DCDC2: variants seen among roughly 807,000 people sequenced by gnomAD.
DCDC2 encodes doublecortin domain containing 2.
A neutral mutation model predicts 50.2 loss-of-function variants in DCDC2; 40 were observed. That is an observed-to-expected ratio of 0.80 (90% CI 0.62 to 1.04). The LOEUF is 1.04. DCDC2 is among the 50% of genes least tolerant of loss of function. The pLI is 0.00. For missense variants in DCDC2, 570 were observed against 581.9 expected (o/e 0.98, Z 0.21); for synonymous variants, 234 against 210.6 (o/e 1.11, Z -0.96).
intron 6 of DCDC2, among the ~76,000 whole-genome samples, chr6:24,283,150 A>C (rs1763515192): frequency 6.6e-6 from 1 of 152,228 alleles, no homozygotes; most frequent in African/African-American, 2.4e-5. Context: ...ATGATTCTAC[A>C]TGGTGTCACC....
At chr6:24,358,683 G>A (rs1383278677), upstream of DCDC2, among the ~76,000 whole-genome samples, 6 of 81,634 alleles carry the variant, frequency 7.3e-5, no homozygotes, top group Admixed American at 4.1e-4. Flanking sequence ...CCCTGTCTTA[G>A]AAAATAAAAT....
chr6:24,343,628 T>C (rs1760201394), intron 2 of DCDC2, among the ~76,000 whole-genome samples: 1 of 152,208 alleles, frequency 6.6e-6, no homozygotes, highest in African/African-American at 2.4e-5. Context: ...AAAAGCTTGA[T>C]ATACCTTGGC....
chr6:24,326,172 AG>A (rs1362861604), intron 2 of DCDC2, among the ~76,000 whole-genome samples: 1 of 134,276 alleles, frequency 7.4e-6, no homozygotes, highest in African/African-American at 2.5e-5. Context: ...AAGGAAAGGA[AG>A]GAAGGAAGGA....
intron 2 of DCDC2, among the ~76,000 whole-genome samples, chr6:24,313,902 G>A (rs1162503749): frequency 6.6e-6 from 1 of 152,172 alleles, no homozygotes; most frequent in African/African-American, 2.4e-5. Flanking sequence ...GAGCTTACAG[G>A]GATGGCAGAC....
intron 2 of DCDC2, among the ~76,000 whole-genome samples, chr6:24,323,000 C>A (rs1759799167): frequency 6.6e-6 from 1 of 152,170 alleles, no homozygotes; most frequent in Non-Finnish European, 1.5e-5. Flanking sequence ...ATCATTTCAA[C>A]CCGATCACAA....
intron 7 of DCDC2, chr6:24,205,403 GAGA>G: frequency 7.4e-7 from 1 of 1,347,892 alleles, no homozygotes. Context: ...GCATTGAGAT[GAGA>G]AGAAATTCAC....
At chr6:24,283,824 C>T (rs1186670210) in intron 6 of DCDC2, among the ~76,000 whole-genome samples, 1 of 152,194 alleles carries the variant, frequency 6.6e-6, no homozygotes, top group East Asian at 1.9e-4. Context: ...AACATTCACA[C>T]ACTGCCTAAG....
chr6:24,253,009 ACAAAT>A (rs1762823159), intron 7 of DCDC2, among the ~76,000 whole-genome samples: 1 of 152,194 alleles, frequency 6.6e-6, no homozygotes, highest in East Asian at 1.9e-4. Flanking sequence ...TGAAAATAAG[ACAAAT>A]CAAAACATGT....
upstream of DCDC2, among the ~76,000 whole-genome samples, chr6:24,358,442 C>CGTCTCTATAACGCGCCTGT (rs555434016): frequency 1.5e-3 from 219 of 149,698 alleles, 1 homozygote; most frequent in African/African-American, 5.1e-3. Flanking sequence ...GGAAAGCCCC[C>CGTCTCTATAACGCGCCTGT]GTCTCTATAA....
chr6:24,323,644 CCTCTCCCTGTCTTCATCT>C (rs956110874), intron 2 of DCDC2, among the ~76,000 whole-genome samples: 1 of 152,106 alleles, frequency 6.6e-6, no homozygotes, highest in African/African-American at 2.4e-5. Context: ...ACATAAGAGA[CCTCTCCCTGTCTTCATCT>C]CTCTCCCTGT....
intron 7 of DCDC2, among the ~76,000 whole-genome samples, chr6:24,214,275 T>G (rs1761932035): frequency 6.6e-6 from 1 of 152,212 alleles, no homozygotes; most frequent in Non-Finnish European, 1.5e-5. Context: ...CCACAGTTAT[T>G]TAACCTTAAC....
intron 7 of DCDC2, among the ~76,000 whole-genome samples, chr6:24,265,633 G>A (rs143732586): frequency 6.6e-6 from 1 of 152,140 alleles, no homozygotes; most frequent in African/African-American, 2.4e-5. Flanking sequence ...CAAGTACATG[G>A]AAACTAAATA....
At chr6:24,260,810 A>G (rs367767188) in intron 7 of DCDC2, among the ~76,000 whole-genome samples, 29 of 152,322 alleles carry the variant, frequency 1.9e-4, no homozygotes, top group African/African-American at 7.0e-4. Flanking sequence ...TATGGAGACC[A>G]TTTGTCAATG....
At chr6:24,307,237 C>CA (rs566881736) in intron 2 of DCDC2, among the ~76,000 whole-genome samples, 141 of 149,012 alleles carry the variant, frequency 9.5e-4, no homozygotes, top group Middle Eastern at 3.4e-3. Flanking sequence ...AAACCTGGTC[C>CA]AAAAAAAAAC....
chr6:24,363,065 G>C, the DCDC2 span, among the ~76,000 whole-genome samples: 60 of 152,120 alleles, frequency 3.9e-4, no homozygotes, highest in Non-Finnish European at 7.5e-4. Flanking sequence ...TGGATGCAAG[G>C]GAATGTTTGA....
intron 2 of DCDC2, among the ~76,000 whole-genome samples, chr6:24,322,226 C>G (rs763833085): frequency 6.6e-6 from 1 of 152,080 alleles, no homozygotes; most frequent in Non-Finnish European, 1.5e-5. Context: ...GAAGATTAAG[C>G]TCTGATTTTT....
At chr6:24,345,133 T>C (rs773206158) in intron 2 of DCDC2, among the ~76,000 whole-genome samples, 1 of 152,200 alleles carries the variant, frequency 6.6e-6, no homozygotes, top group Admixed American at 6.5e-5. Flanking sequence ...TTGAAGCCTC[T>C]TGGGTCTCAA....
intron 6 of DCDC2, among the ~76,000 whole-genome samples, chr6:24,279,629 CA>C (rs1763427904): frequency 6.6e-6 from 1 of 152,130 alleles, no homozygotes; most frequent in Non-Finnish European, 1.5e-5. Context: ...CTTACTAAGG[CA>C]GCCTTGGCTC....
At chr6:24,291,102 A>C (rs376843648) in intron 4 of DCDC2, 24 bp from the exon 5 acceptor site, 1 of 1,597,720 alleles carries the variant, frequency 6.3e-7, no homozygotes, top group Non-Finnish European at 8.5e-7. Context: ...GAACACCAAC[A>C]ATTAGAATTT....
Sources: gnomAD v4.1 joint callset for allele counts (sites outside exome capture counted in the v4.1 genomes callset) on GRCh38, gnomAD v4.1.1 for gene constraint, MANE v1.5 for transcripts, NCBI Gene and HGNC (gene_info 2026-07-23, HGNC 2026-07-21) for gene names.